Variants in FAH observed in about 807,000 individuals in gnomAD.
FAH encodes fumarylacetoacetase.
FAH carries 47 observed loss-of-function variants against 55.8 expected under a neutral mutation model. That is an observed-to-expected ratio of 0.84 (90% confidence interval 0.67 to 1.07). FAH has a LOEUF of 1.07. FAH is among the 50% of genes least tolerant of loss of function. The pLI, the probability that FAH is intolerant of heterozygous loss-of-function variation, is 0.00. For synonymous variants in FAH, 199 were observed against 207.7 expected (o/e 0.96, Z 0.36); for missense variants, 495 against 545.9 (o/e 0.91, Z 0.93).
At chr15:80,184,712 T>C (rs1364835658) in intron 13 of FAH, among the ~76,000 whole-genome samples, 3 of 152,208 alleles carry the variant, frequency 2.0e-5, no homozygotes, top group East Asian at 1.9e-4. Flanking sequence ...GTTGTCAGCA[T>C]GTGGGTCACG....
chr15:80,172,116 CT>C, intron 7 of FAH, 32 bp from the exon 8 acceptor site: 1 of 1,514,524 alleles, frequency 6.6e-7, no homozygotes, highest in African/African-American at 1.4e-5. Context: ...GGCAGATCAG[CT>C]CCAGATTCTA....
intron 11 of FAH, among the ~76,000 whole-genome samples, chr15:80,179,110 G>A (rs2041308738): frequency 1.3e-5 from 2 of 152,118 alleles, no homozygotes; most frequent in Non-Finnish European, 2.9e-5. Context: ...TTTTTGAAGT[G>A]GTTATACCAG....
At chr15:80,158,672 TGG>T (rs2041121002) in intron 2 of FAH, among the ~76,000 whole-genome samples, 1 of 152,232 alleles carries the variant, frequency 6.6e-6, no homozygotes, top group Non-Finnish European at 1.5e-5. Context: ...TCTCATTGCA[TGG>T]GTCAGGAAGG....
chr15:80,186,366 C>T (rs1238917895), downstream of FAH: 1 of 705,000 alleles, frequency 1.4e-6, no homozygotes, highest in Non-Finnish European at 2.6e-6. Context: ...GCTGTGTCCA[C>T]TTATGATCGT....
chr15:80,153,144 T>C lies in FAH; in HGVS notation c.81+9T>C, dbSNP rs759962349. 1.9e-6 allele frequency: 3 copies of C among 1,587,468 alleles called. No individual in the cohort carries two copies. Among genetic ancestry groups the C allele is most frequent in the East Asian group, 2.3e-5 (1 of 44,242 alleles). On this transcript the variant is annotated intron_variant, in intron 1 of 13. Transcript: ENST00000561421. ...TCTCGACCAGAGGCGACGTGAGCAG[T>C]GGGGCTTTGGCGTCCGGGCGCGGGG...
chr15:80,170,070 C>A (rs1167220836), intron 7 of FAH, among the ~76,000 whole-genome samples: 1 of 152,212 alleles, frequency 6.6e-6, no homozygotes, highest in African/African-American at 2.4e-5. Context: ...GAAATCTGGG[C>A]AGCCCCCAAG....
In FAH at chr15:80,181,081, A is replaced by C. The variant is rs770665329; in HGVS notation, c.1102A>C (p.Lys368Gln). ...CGGCTCCATGTTGGAACTGTCGTGG[A>C]AGGGAACGAAGCCCATAGACCTGGG... Reference protein sequence around the residue: ...NFGSMLELSWKGTKPIDLGNG... With the variant: ...NFGSMLELSWQGTKPIDLGNG... The change falls in exon 13 of 14, where the codon AAG becomes CAG. Residue 368 changes from lysine (K) to glutamine (Q), a missense_variant. Physicochemically the swap from Lys to Gln is moderately conservative, Grantham distance 53 (BLOSUM62 1). Coordinates refer to ENST00000561421, the MANE Select transcript of FAH (RefSeq NM_000137.4). 3.7e-6 allele frequency: 6 copies of C among 1,613,906 alleles called. No homozygotes were observed. In the Admixed American group the frequency reaches 1.0e-4, roughly 27 times the overall value.
chr15:80,162,402 G>T, intron 5 of FAH, 66 bp downstream of exon 5: 1 of 1,420,470 alleles, frequency 7.0e-7, no homozygotes, highest in South Asian at 1.1e-5. Flanking sequence ...CAGCATATTT[G>T]TCTCAGGAGC....
chr15:80,152,959 C>T, upstream of FAH: 2 of 1,050,156 alleles, frequency 1.9e-6, no homozygotes, highest in Non-Finnish European at 2.8e-6. Flanking sequence ...TGGGGGCGGG[C>T]AGGGGGGCGG....
At chr15:80,167,523 G>C (rs2041201279) in intron 5 of FAH, among the ~76,000 whole-genome samples, 1 of 144,498 alleles carries the variant, frequency 6.9e-6, no homozygotes, top group African/African-American at 2.6e-5. Context: ...TTAGGACATG[G>C]CTGTATCTTT....
Position 80,175,104 on chromosome 15 carries a change from G to C in FAH, c.913+13G>C, listed in dbSNP as rs1355437388. ...GTTAACCTGAAAGGTATGTTGTAGGGGGACTGACATGGCCAGGAGCTCTGA... is the reference window on the plus strand; with the variant it reads ...GTTAACCTGAAAGGTATGTTGTAGGCGGACTGACATGGCCAGGAGCTCTGA... On this transcript the variant is annotated intron_variant, in intron 10 of 13. Coordinates refer to ENST00000561421, the MANE Select transcript of FAH (RefSeq NM_000137.4). 6.2e-7 allele frequency: 1 copy of C among 1,611,918 alleles called. No homozygotes were observed.
intron 5 of FAH, among the ~76,000 whole-genome samples, chr15:80,164,050 AC>A (rs2041171498): frequency 6.6e-6 from 1 of 152,264 alleles, no homozygotes; most frequent in East Asian, 1.9e-4. Context: ...ATATATATGT[AC>A]ATACACACTG....
intron 13 of FAH, among the ~76,000 whole-genome samples, chr15:80,183,395 A>G (rs2041345962): frequency 6.6e-6 from 1 of 152,262 alleles, no homozygotes; most frequent in Non-Finnish European, 1.5e-5. Flanking sequence ...GCAGGGGGTA[A>G]GCAGAGGAGC....
chr15:80,157,771 C>T, intron 1 of FAH: 1 of 472,658 alleles, frequency 2.1e-6, no homozygotes, highest in South Asian at 2.1e-5. Flanking sequence ...GGGTCTTTGC[C>T]CAGGTTAAGT....
At position 80,159,894 on chromosome 15, in the gene FAH, C is replaced by T; in HGVS notation, c.314+17C>T. ...TCGGAAGTGGTGAGAAGCACGTGGTCATAGGGGGGATGAGGGGATGCAGCA... is the reference window on the plus strand; with the variant it reads ...TCGGAAGTGGTGAGAAGCACGTGGTTATAGGGGGGATGAGGGGATGCAGCA... On this transcript the variant is annotated intron_variant, in intron 3 of 13. Transcript: ENST00000561421. 2 of 1,613,626 alleles carry T rather than the reference C, an allele frequency of 1.2e-6. No individual in the cohort carries two copies. The highest frequency in any genetic ancestry group is 1.7e-6 in the Non-Finnish European group (2 of 1,179,822).
At chr15:80,171,788 C>A (rs2041243109) in intron 7 of FAH, among the ~76,000 whole-genome samples, 1 of 152,088 alleles carries the variant, frequency 6.6e-6, no homozygotes, top group African/African-American at 2.4e-5. Context: ...GAATACAAAC[C>A]CTGATAGTTT....
chr15:80,183,961 G>A (rs940124511), intron 13 of FAH, among the ~76,000 whole-genome samples: 3 of 152,188 alleles, frequency 2.0e-5, no homozygotes, highest in African/African-American at 4.8e-5. Context: ...TTTAAATGGC[G>A]CGATGAAATT....
In FAH at chr15:80,181,096, A is replaced by G. The variant is rs377280169; in HGVS notation, c.1117A>G (p.Ile373Val). Residue 373 changes from isoleucine to valine, a missense_variant, in exon 13 of 14, where the codon ATA becomes GTA. Coordinates refer to ENST00000561421, the MANE Select transcript of FAH (RefSeq NM_000137.4). ...LELSWKGTKP[I>V]DLGNGQTRKF... Reference sequence around the variant, plus strand: ...ACTGTCGTGGAAGGGAACGAAGCCCATAGACCTGGGGAATGGTCAGACCAG... The same window carrying G: ...ACTGTCGTGGAAGGGAACGAAGCCCGTAGACCTGGGGAATGGTCAGACCAG... The G allele has an allele frequency of 3.7e-6, 6 of 1,613,880 alleles. No individual in the cohort carries two copies. The African/African-American group carries it at 5.3e-5, about 14-fold the overall frequency.
chr15:80,186,398 G>T, downstream of FAH: 4 of 671,440 alleles, frequency 6.0e-6, no homozygotes. Flanking sequence ...GTGGGTCAAG[G>T]TGTGTAAAGC....
Sources: allele counts gnomAD v4.1 joint callset (sites outside exome capture counted in the v4.1 genomes callset), GRCh38; gene constraint gnomAD v4.1.1; transcripts MANE v1.5; gene names NCBI Gene and HGNC (gene_info 2026-07-23, HGNC 2026-07-21).